NOL4: variants seen among roughly 807,000 people sequenced by gnomAD.
NOL4 encodes the protein nucleolar protein 4, also known as cancer/testis antigen 125.
A neutral mutation model predicts 75.9 loss-of-function variants in NOL4; 17 were observed. The observed-to-expected ratio is 0.22, with a 90% CI of 0.15 to 0.34. The LOEUF (loss-of-function observed/expected upper bound fraction) is 0.34, where lower values mean the gene tolerates loss of function less well. Ranked by LOEUF, NOL4 falls within the 10% of genes least tolerant of loss-of-function variation. NOL4 has a pLI of 1.00. For missense variants in NOL4, 614 were observed against 793.5 expected (o/e 0.77, Z 2.72); for synonymous variants, 292 against 289.9 (o/e 1.01, Z -0.07).
intron 2 of NOL4, among the ~76,000 whole-genome samples, chr18:34,118,419 T>A (rs931965098): frequency 6.6e-6 from 1 of 152,148 alleles, no homozygotes; most frequent in Non-Finnish European, 1.5e-5. Context: ...AATTAAGATA[T>A]AGAAAATTTA....
chr18:33,931,385 T>C (rs969404487), intron 9 of NOL4, among the ~76,000 whole-genome samples: 1 of 152,112 alleles, frequency 6.6e-6, no homozygotes, highest in African/African-American at 2.4e-5. Flanking sequence ...AGCCCCGACA[T>C]TTTCCAGGCA....
At chr18:34,039,252 G>A (rs953485345) in intron 5 of NOL4, among the ~76,000 whole-genome samples, 11 of 151,806 alleles carry the variant, frequency 7.2e-5, no homozygotes. Context: ...TATTACTAAG[G>A]GTTCCATATT....
At chr18:33,933,246 G>T (rs2067824066) in intron 9 of NOL4, among the ~76,000 whole-genome samples, 1 of 152,104 alleles carries the variant, frequency 6.6e-6, no homozygotes, top group Non-Finnish European at 1.5e-5. Flanking sequence ...ACATAAAACC[G>T]TTATTGCTTA....
chr18:34,033,494 G>C lies in NOL4; in HGVS notation c.773-13893C>G, dbSNP rs146281859. On this transcript the variant is annotated intron_variant, in intron 5 of 10. Coordinates refer to ENST00000261592, the MANE Select transcript of NOL4 (RefSeq NM_003787.5). ...AAGACAGGTCTTTCAAAATAACCTT[G>C]TCAGAAAAAAATAAAGAGAATAAAA... Among the ~76,000 whole-genome samples the C allele has an allele frequency of 4.9e-3, 747 of 151,934 alleles. 8 individuals are homozygous for C. The highest frequency in any genetic ancestry group is 0.017 in the African/African-American group (700 of 41,442).
intron 9 of NOL4, among the ~76,000 whole-genome samples, chr18:33,886,675 T>C (rs1043051292): frequency 1.3e-5 from 2 of 149,692 alleles, no homozygotes; most frequent in African/African-American, 4.9e-5. Context: ...AAAGGATAAA[T>C]GCTTGAGGTG....
At chr18:34,222,619 G>A (rs2037399292) in intron 1 of NOL4, 1 of 296,966 alleles carries the variant, frequency 3.4e-6, no homozygotes, top group African/African-American at 2.3e-5. Context: ...TAGGCGCGGT[G>A]GCGGCGGTGG....
intron 1 of NOL4, among the ~76,000 whole-genome samples, chr18:34,212,985 A>G (rs1329853689): frequency 3.9e-5 from 6 of 152,200 alleles, no homozygotes; most frequent in Admixed American, 1.3e-4. Flanking sequence ...GCCTTACCAT[A>G]TAAGATAATA....
At chr18:34,149,645 C>T (rs965990657) in intron 1 of NOL4, among the ~76,000 whole-genome samples, 2 of 151,550 alleles carry the variant, frequency 1.3e-5, no homozygotes, top group Non-Finnish European at 3.0e-5. Context: ...AATAATATCC[C>T]ATTGCATGAT....
At chr18:33,888,923 A>T (rs2064929949) in intron 9 of NOL4, among the ~76,000 whole-genome samples, 1 of 151,842 alleles carries the variant, frequency 6.6e-6, no homozygotes, top group Admixed American at 6.6e-5. Flanking sequence ...AGTAGGAAAG[A>T]TCTAAAATCG....
intron 6 of NOL4, among the ~76,000 whole-genome samples, chr18:34,000,060 T>C (rs530662700): frequency 3.2e-4 from 48 of 152,246 alleles, no homozygotes; most frequent in African/African-American, 1.1e-3. Context: ...TGAAAACTAT[T>C]TGTCATTTCT....
rs1425847678 is a variant in NOL4, at chr18:34,166,809, G to A, written c.265-36789C>T. ...TCCCAGCACTTTGGGAGGCCGAGGC[G>A]GGTGGATCATGAGGTCAGGAGATCG... On this transcript the variant is annotated intron_variant, in intron 1 of 10. Coordinates refer to ENST00000261592, the MANE Select transcript of NOL4 (RefSeq NM_003787.5). Among the ~76,000 whole-genome samples, 4 of 39,718 alleles carry A rather than the reference G, an allele frequency of 1.0e-4. 2 individuals carry two copies. The highest frequency in any genetic ancestry group is 2.5e-4 in the Non-Finnish European group (4 of 16,184). The allele number at this position is 39,718 out of a possible 152,430, so 26.1% of individuals were successfully genotyped here. A position where few individuals can be genotyped will look rare whatever the true frequency, so the allele number is the denominator to read the frequency against.
rs534142484 is a variant in NOL4 at position 34,043,549 on chromosome 18, C to G, written c.773-23948G>C. 7.2e-5 allele frequency among the ~76,000 whole-genome samples: 11 copies of G among 152,158 alleles called. No homozygotes were observed. The East Asian group carries it at 2.1e-3, about 29-fold the overall frequency. ...CTCTACAATGCATCATAAGAAATGACAATGTGAGGTGCAGAATGAGCTGGA... is the reference window on the plus strand; with the variant it reads ...CTCTACAATGCATCATAAGAAATGAGAATGTGAGGTGCAGAATGAGCTGGA... On this transcript the variant is annotated intron_variant, in intron 5 of 10. Transcript: ENST00000261592.
At chr18:34,001,748 T>C (rs1163096807) in intron 6 of NOL4, 1 of 152,720 alleles carries the variant, frequency 6.5e-6, no homozygotes, top group Non-Finnish European at 1.5e-5. Flanking sequence ...TAAAGAAATC[T>C]GTAACTGTGT....
intron 2 of NOL4, among the ~76,000 whole-genome samples, chr18:34,108,242 A>ACTACAC (rs2079407940): frequency 1.3e-5 from 2 of 152,194 alleles, no homozygotes; most frequent in Non-Finnish European, 1.5e-5. Flanking sequence ...AAAACATACA[A>ACTACAC]CTACACAAAC....
chr18:33,967,806 A>C (rs2070724545), intron 6 of NOL4, among the ~76,000 whole-genome samples: 2 of 152,148 alleles, frequency 1.3e-5, no homozygotes, highest in African/African-American at 4.8e-5. Flanking sequence ...GTCAAAAAAT[A>C]ATCTGGGCAC....
chr18:34,167,841 T>A (rs1173695595), intron 1 of NOL4, among the ~76,000 whole-genome samples: 1 of 151,882 alleles, frequency 6.6e-6, no homozygotes, highest in Admixed American at 6.6e-5. Context: ...TTTGGGTAAA[T>A]GTAGCTGTTT....
chr18:33,947,520 T>A (rs1052512935), intron 8 of NOL4, among the ~76,000 whole-genome samples: 1 of 151,858 alleles, frequency 6.6e-6, no homozygotes, highest in African/African-American at 2.4e-5. Context: ...TAACACCTCC[T>A]GTGGCTGAAG....
intron 1 of NOL4, among the ~76,000 whole-genome samples, chr18:34,187,410 T>C (rs1219359464): frequency 1.4e-5 from 2 of 147,976 alleles, no homozygotes; most frequent in Non-Finnish European, 3.0e-5. Flanking sequence ...CAGAGTCTTG[T>C]TCTGTCGCCC....
chr18:34,056,842 T>C (rs1198048384), intron 5 of NOL4, among the ~76,000 whole-genome samples: 2 of 152,164 alleles, frequency 1.3e-5, no homozygotes, highest in Admixed American at 6.6e-5. Context: ...GTTAACTCAG[T>C]GTCTTCAAGG....
Sources: gnomAD v4.1 joint callset for allele counts (sites outside exome capture counted in the v4.1 genomes callset) on GRCh38, gnomAD v4.1.1 for gene constraint, MANE v1.5 for transcripts, NCBI Gene and HGNC (gene_info 2026-07-23, HGNC 2026-07-21) for gene names.